Variants in CCDC60 observed in about 807,000 individuals in gnomAD.
The protein encoded by CCDC60 is coiled-coil domain-containing protein 60.
CCDC60 carries 54 observed loss-of-function variants against 63.5 expected under a neutral mutation model. That is an observed-to-expected ratio of 0.85 (90% confidence interval 0.68 to 1.07). CCDC60 has a LOEUF of 1.07. Among genes scored for constraint, CCDC60 ranks in the 50% least tolerant of loss-of-function variants. The pLI, the probability that CCDC60 is intolerant of heterozygous loss-of-function variation, is 0.00. For missense variants in CCDC60, 651 were observed against 684.3 expected (o/e 0.95, Z 0.54); for synonymous variants, 206 against 238.8 (o/e 0.86, Z 1.27).
intron 1 of CCDC60, among the ~76,000 whole-genome samples, chr12:119,423,137 A>C (rs79621221): frequency 0.03 from 4,562 of 152,258 alleles, 231 homozygotes; most frequent in African/African-American, 0.1. Flanking sequence ...AATTTGGAGA[A>C]GTAGGAGGGT....
At chr12:119,488,209 G>T (rs1951501415) in intron 4 of CCDC60, among the ~76,000 whole-genome samples, 1 of 152,146 alleles carries the variant, frequency 6.6e-6, no homozygotes, top group South Asian at 2.1e-4. Flanking sequence ...TTCAGGCAAA[G>T]GACTCATAAA....
intron 1 of CCDC60, among the ~76,000 whole-genome samples, chr12:119,359,536 C>CTTTTTTTTTTTTTTTTT (rs57310847): frequency 7.3e-6 from 1 of 137,438 alleles, no homozygotes; most frequent in Non-Finnish European, 1.6e-5. Context: ...TATCACAGGT[C>CTTTTTTTTTTTTTTTTT]TTTTTTTTTT....
intron 1 of CCDC60, among the ~76,000 whole-genome samples, chr12:119,386,792 C>T (rs1209703359): frequency 1.3e-5 from 2 of 152,148 alleles, no homozygotes; most frequent in Non-Finnish European, 2.9e-5. Context: ...AATTACGAAA[C>T]AGTCCGTGCC....
At chr12:119,426,287 T>C (rs139022102) in intron 1 of CCDC60, among the ~76,000 whole-genome samples, 1 of 152,182 alleles carries the variant, frequency 6.6e-6, no homozygotes, top group African/African-American at 2.4e-5. Flanking sequence ...GCCATCCATA[T>C]GTTTTGTTTT....
intron 2 of CCDC60, among the ~76,000 whole-genome samples, chr12:119,464,804 T>C (rs1384483951): frequency 6.6e-6 from 1 of 151,894 alleles, no homozygotes; most frequent in South Asian, 2.1e-4. Context: ...CAATGTATTA[T>C]GTCTTGCTCT....
chr12:119,509,662 G>GATGATA (rs1952156237), intron 7 of CCDC60, among the ~76,000 whole-genome samples: 2 of 151,966 alleles, frequency 1.3e-5, no homozygotes, highest in Admixed American at 1.3e-4. Flanking sequence ...TGATGATGAT[G>GATGATA]ATGATGATGA....
At position 119,335,218 on chromosome 12, in the gene CCDC60, C is replaced by A; in HGVS notation, c.42C>A (p.Pro14=). The change falls in exon 1 of 14, where the codon CCC becomes CCA. Residue 14 remains proline, a synonymous_variant. Transcript: ENST00000327554. The part of the protein sequence containing the change: ...VPATKKLQSS[P]NSGAVRPFYA... ...CCACCAAGAAGCTTCAGAGTTCCCC[C>A]AACTCGGGGGCTGTCCGGCCCTTTT... 6.2e-7 allele frequency: 1 copy of A among 1,606,794 alleles called. No homozygotes were observed. The highest frequency in any genetic ancestry group is 1.1e-5 in the South Asian group (1 of 89,294).
rs1284668782 is a variant in CCDC60 at position 119,387,021 on chromosome 12, C to G, written c.91-41662C>G. ...TCTCTCTCTCTCTCTCCCTCCCTCC[C>G]CCTCTGTCTCTCTCACACACACACA... On this transcript the variant is annotated intron_variant, in intron 1 of 13. Transcript: ENST00000327554. 5.4e-5 allele frequency among the ~76,000 whole-genome samples: 7 copies of G among 128,754 alleles called. 2 individuals carry two copies. The highest frequency in any genetic ancestry group is 2.3e-4 in the African/African-American group (7 of 31,088). The allele number at this position is 128,754 out of a possible 152,430, so 84.5% of individuals were successfully genotyped here.
At chr12:119,431,710 G>A (rs1054865924) in intron 2 of CCDC60, among the ~76,000 whole-genome samples, 16 of 152,058 alleles carry the variant, frequency 1.1e-4, no homozygotes, top group Non-Finnish European at 2.1e-4. Context: ...ACAGAGTCTC[G>A]CTCTGTTGCC....
At chr12:119,428,643 T>C in intron 1 of CCDC60, 40 bp from the exon 2 acceptor site, 1 of 1,368,158 alleles carries the variant, frequency 7.3e-7, no homozygotes. Context: ...AAGCATTGTA[T>C]TAACACTCCT....
intron 11 of CCDC60, among the ~76,000 whole-genome samples, chr12:119,525,778 G>T (rs954118130): frequency 1.2e-4 from 19 of 152,006 alleles, no homozygotes; most frequent in African/African-American, 4.6e-4. Context: ...CAAACAAATG[G>T]AAAAACATCC....
At chr12:119,398,542 C>T (rs553979674) in intron 1 of CCDC60, among the ~76,000 whole-genome samples, 122 of 152,318 alleles carry the variant, frequency 8.0e-4, no homozygotes, top group African/African-American at 2.8e-3. Context: ...GCACCAAGGC[C>T]GAGGAGGCGC....
intron 3 of CCDC60, among the ~76,000 whole-genome samples, chr12:119,474,492 T>C (rs1410656873): frequency 6.6e-6 from 1 of 152,188 alleles, no homozygotes; most frequent in Non-Finnish European, 1.5e-5. Context: ...TATAGTGCAT[T>C]TGAAGTTCAT....
At chr12:119,448,668 T>C (rs201884505) in intron 2 of CCDC60, among the ~76,000 whole-genome samples, 1 of 151,856 alleles carries the variant, frequency 6.6e-6, no homozygotes, top group Non-Finnish European at 1.5e-5. Flanking sequence ...AGAATGGCGG[T>C]GGGGAGGGGA....
At chr12:119,517,413 G>A (rs1331204942) in intron 8 of CCDC60, among the ~76,000 whole-genome samples, 1 of 152,192 alleles carries the variant, frequency 6.6e-6, no homozygotes, top group Non-Finnish European at 1.5e-5. Context: ...TGTATGGGCT[G>A]TGTACTCATT....
intron 1 of CCDC60, among the ~76,000 whole-genome samples, chr12:119,344,665 A>T (rs946706981): frequency 2.1e-4 from 32 of 152,318 alleles, no homozygotes; most frequent in African/African-American, 7.5e-4. Context: ...CCTGAAAATG[A>T]AGACGAATAT....
chr12:119,381,141 C>T (rs1487833122), intron 1 of CCDC60, among the ~76,000 whole-genome samples: 2 of 152,180 alleles, frequency 1.3e-5, no homozygotes, highest in Non-Finnish European at 2.9e-5. Context: ...ATCAGTGAAA[C>T]ACTTCATTTG....
chr12:119,438,912 C>T (rs1489697729), intron 2 of CCDC60, among the ~76,000 whole-genome samples: 2 of 151,984 alleles, frequency 1.3e-5, no homozygotes, highest in Non-Finnish European at 2.9e-5. Context: ...ATAAAAACCC[C>T]CGTTCTGCTT....
At chr12:119,437,950 C>T (rs1950359771) in intron 2 of CCDC60, among the ~76,000 whole-genome samples, 1 of 152,012 alleles carries the variant, frequency 6.6e-6, no homozygotes, top group Non-Finnish European at 1.5e-5. Flanking sequence ...TAACGAGTCA[C>T]TAGTTTGTCC....
Sources: gnomAD v4.1 joint callset for allele counts (sites outside exome capture counted in the v4.1 genomes callset) on GRCh38, gnomAD v4.1.1 for gene constraint, MANE v1.5 for transcripts, NCBI Gene and HGNC (gene_info 2026-07-23, HGNC 2026-07-21) for gene names.